UNC45A: variants seen among roughly 807,000 people sequenced by gnomAD.
UNC45A encodes unc-45 myosin chaperone A, also known as protein unc-45 homolog A.
In UNC45A, 78 loss-of-function variants were observed where a neutral mutation model predicts 103.2. The observed-to-expected ratio is 0.76, with a 90% CI of 0.63 to 0.91. UNC45A has a LOEUF of 0.91. UNC45A is among the 40% of genes least tolerant of loss of function. The probability of loss-of-function intolerance (pLI) is 0.00; values close to 1 mark genes in which losing one functional copy is unlikely to be tolerated. For missense variants in UNC45A, 1,193 were observed against 1,224.8 expected, an observed-to-expected ratio of 0.97 and a Z score of 0.39; for synonymous variants, 495 against 504.6, an observed-to-expected ratio of 0.98 and a Z score of 0.25.
chr15:90,935,572 AG>A lies in UNC45A; in HGVS notation c.83del (p.Gly28AlafsTer75). 2 of 1,610,992 alleles carry A rather than the reference AG, an allele frequency of 1.2e-6. No individual in the cohort carries two copies. The highest frequency in any genetic ancestry group is 1.3e-5 in the African/African-American group (1 of 74,956). ...GASSVEQLRK[E>X]GNELFKCGDY... The stretch of plus-strand genomic sequence containing the variant: ...AGCTCAGTGGAGCAGCTGCGGAAGG[AG>A]GGCAATGAGCTGTTCAAATGTGGAG... On this transcript the variant is annotated frameshift_variant, in exon 2 of 20. Coordinates refer to ENST00000418476, the MANE Select transcript of UNC45A (RefSeq NM_018671.5). LOFTEE classifies it high-confidence loss of function.
At position 90,948,680 on chromosome 15, in the gene UNC45A, G is replaced by A. The variant is rs139928573; in HGVS notation, c.1764G>A (p.Ala588=). 19 of 1,613,890 alleles carry A rather than the reference G, an allele frequency of 1.2e-5. No individual in the cohort carries two copies. Among genetic ancestry groups the A allele is most frequent in the South Asian group, 2.2e-5 (2 of 91,082 alleles). Residue 588 remains alanine, a synonymous_variant, in exon 13 of 20, where the codon GCG becomes GCA. Transcript: ENST00000418476. The part of the protein sequence containing the change: ...SRLEERSVLF[A]VASALVNCTN... ...TGGAGGAGAGGTCAGTGCTCTTTGCGGTGGCCTCAGCGCTGGTGAACTGCA... is the reference window on the plus strand; with the variant it reads ...TGGAGGAGAGGTCAGTGCTCTTTGCAGTGGCCTCAGCGCTGGTGAACTGCA...
chr15:90,939,069 T>A (rs897141661), intron 4 of UNC45A, among the ~76,000 whole-genome samples: 37 of 151,954 alleles, frequency 2.4e-4, no homozygotes, highest in African/African-American at 8.9e-4. Flanking sequence ...AACTTCCGCA[T>A]CTTGGGTTCA....
At chr15:90,942,835 G>C (rs906908326) in intron 7 of UNC45A, 77 bp from the exon 8 acceptor site, 2 of 1,532,166 alleles carry the variant, frequency 1.3e-6, no homozygotes, top group Non-Finnish European at 8.8e-7. Context: ...GTGTCTCCCT[G>C]GTTTGTTGGA....
rs144297073 is a variant in UNC45A at position 90,944,948 on chromosome 15, G to A, written c.1084G>A (p.Ala362Thr). 36 of 1,612,466 alleles carry A rather than the reference G, an allele frequency of 2.2e-5. No individual in the cohort carries two copies. In the East Asian group the frequency reaches 2.4e-4, roughly 11 times the overall value. The stretch of plus-strand genomic sequence containing the variant: ...TCTACAGGACCCTCCTGGGGAGCTC[G>A]CAGTGACCGCAAACAGCCGCATGAG... ...GSLQDPPGEL[A>T]VTANSRMSAS... The change falls in exon 9 of 20, where the codon GCA becomes ACA. Residue 362 changes from alanine (A) to threonine (T), a missense_variant. Physicochemically the swap from Ala to Thr is moderately conservative, Grantham distance 58. Coordinates refer to ENST00000418476, the MANE Select transcript of UNC45A (RefSeq NM_018671.5).
intron 15 of UNC45A, 176 bp from the exon 16 acceptor site, chr15:90,949,978 C>T: frequency 2.9e-6 from 2 of 686,916 alleles, no homozygotes; most frequent in Non-Finnish European, 4.9e-6. Context: ...CAGCACAATC[C>T]ATGTCCAGCC....
At chr15:90,946,965 G>C in intron 10 of UNC45A, 51 bp downstream of exon 10, 1 of 1,561,332 alleles carries the variant, frequency 6.4e-7, no homozygotes, top group Non-Finnish European at 8.7e-7. Context: ...CAGGGGTCCT[G>C]GTCCAGCCGG....
chr15:90,931,065 G>T, upstream of UNC45A: 1 of 575,710 alleles, frequency 1.7e-6, no homozygotes, highest in East Asian at 3.1e-5. Flanking sequence ...GAGTGCATCA[G>T]AAATGGATGG....
chr15:90,949,629 GC>G (rs1299230640), intron 14 of UNC45A, 24 bp from the exon 15 acceptor site: 6 of 1,613,558 alleles, frequency 3.7e-6, no homozygotes, highest in Non-Finnish European at 5.1e-6. Flanking sequence ...AGAGCTGCCT[GC>G]CCACCACCGC....
At chr15:90,939,871 C>G in intron 5 of UNC45A, 48 bp downstream of exon 5, 4 of 1,484,490 alleles carry the variant, frequency 2.7e-6, no homozygotes, top group South Asian at 1.3e-5. Context: ...CTAGAGCCAC[C>G]CATCCATAGG....
intron 12 of UNC45A, 49 bp downstream of exon 12, chr15:90,948,332 GACCTT>G (rs1234744289): frequency 6.2e-7 from 1 of 1,604,814 alleles, no homozygotes; most frequent in Non-Finnish European, 8.5e-7. Context: ...TCTAGGATTA[GACCTT>G]ACCAGGCTTT....
chr15:90,938,954 G>T (rs1473968193), intron 4 of UNC45A, among the ~76,000 whole-genome samples: 1 of 152,040 alleles, frequency 6.6e-6, no homozygotes, highest in East Asian at 1.9e-4. Context: ...TTACAGGCGT[G>T]AGCCACCGTG....
In UNC45A at chr15:90,946,271, A is replaced by AG. The variant is rs2036564894; in HGVS notation, c.1200-342dup. ...TCTGTCTCAAAAAAAAAAAAAAAAA[A>AG]GAAAGAAAAAAAATTAAAGGAGCTT... On this transcript the variant is annotated intron_variant, in intron 9 of 19. Coordinates refer to ENST00000418476, the MANE Select transcript of UNC45A (RefSeq NM_018671.5). Among the ~76,000 whole-genome samples the AG allele has an allele frequency of 2.7e-5, 4 of 148,776 alleles. 1 individual carries two copies. The South Asian group carries it at 8.6e-4, about 32-fold the overall frequency.
At chr15:90,937,227 T>C (rs767911053) in intron 4 of UNC45A, among the ~76,000 whole-genome samples, 1 of 152,122 alleles carries the variant, frequency 6.6e-6, no homozygotes, top group Non-Finnish European at 1.5e-5. Flanking sequence ...ACCCTTGTAG[T>C]CCCAGCTACC....
chr15:90,948,875 C>CAT, intron 13 of UNC45A, 81 bp downstream of exon 13: 4 of 985,240 alleles, frequency 4.1e-6, no homozygotes, highest in Non-Finnish European at 5.4e-6. Context: ...AACAACCTCC[C>CAT]TTTTTTTTTT....
In UNC45A at chr15:90,948,194, G is replaced by T; in HGVS notation, c.1648G>T (p.Gly550Cys). 1 of 1,614,138 alleles carries T rather than the reference G, an allele frequency of 6.2e-7. No homozygotes were observed. Among genetic ancestry groups the T allele is most frequent in the Non-Finnish European group, 8.5e-7 (1 of 1,180,036 alleles). The change falls in exon 12 of 20, where the codon GGC becomes TGC. Residue 550 changes from glycine to cysteine, a missense_variant. By Grantham distance (159) the Gly-to-Cys change is radical. Transcript: ENST00000418476. The stretch of plus-strand genomic sequence containing the variant: ...AGGCACTCGGCGCTGGGCAGTGGAG[G>T]GCCTGGCTTACCTGACCTTTGATGC... Reference protein sequence around the residue: ...DAGTRRWAVEGLAYLTFDADV... With the variant: ...DAGTRRWAVECLAYLTFDADV...
chr15:90,943,309 G>A (rs2036388278), intron 8 of UNC45A, among the ~76,000 whole-genome samples: 1 of 151,490 alleles, frequency 6.6e-6, no homozygotes, highest in South Asian at 2.1e-4. Flanking sequence ...TGCATCGGCA[G>A]TCCTAGCTAC....
intron 13 of UNC45A, 56 bp downstream of exon 13, chr15:90,948,850 G>C: frequency 6.7e-7 from 1 of 1,496,508 alleles, no homozygotes; most frequent in East Asian, 2.5e-5. Context: ...AGCTAACCCA[G>C]GGCATCCACA....
intron 1 of UNC45A, 59 bp downstream of exon 1, chr15:90,935,434 T>C (rs918031729): frequency 1.3e-6 from 2 of 1,577,722 alleles, no homozygotes; most frequent in Non-Finnish European, 8.6e-7. Context: ...ATCCCTGGCC[T>C]CCTTCTCCCC....
At chr15:90,947,015 A>G in intron 10 of UNC45A, 101 bp downstream of exon 10, 1 of 1,419,752 alleles carries the variant, frequency 7.0e-7, no homozygotes, top group East Asian at 2.3e-5. Context: ...AGATGAAAAT[A>G]AGGAATACTG....
Sources: allele counts gnomAD v4.1 joint callset (sites outside exome capture counted in the v4.1 genomes callset), GRCh38; gene constraint gnomAD v4.1.1; transcripts MANE v1.5; gene names NCBI Gene and HGNC (gene_info 2026-07-23, HGNC 2026-07-21).